Variants in TRAPPC9 observed in about 807,000 individuals in gnomAD.
TRAPPC9 encodes the protein IKK2 binding protein.
A neutral mutation model predicts 124.0 loss-of-function variants in TRAPPC9; 83 were observed. The ratio of observed to expected loss-of-function variants is 0.67; its 90% CI spans 0.56 to 0.80. The LOEUF (loss-of-function observed/expected upper bound fraction) is 0.80. Ranked by LOEUF, TRAPPC9 falls within the 30% of genes least tolerant of loss-of-function variation. The pLI, the probability that TRAPPC9 is intolerant of heterozygous loss-of-function variation, is 0.00. For missense variants in TRAPPC9, 1,302 were observed against 1,508.3 expected (o/e 0.86, Z 2.27); for synonymous variants, 638 against 617.5 (o/e 1.03, Z -0.49).
intron 11 of TRAPPC9, among the ~76,000 whole-genome samples, chr8:140,292,082 G>C (rs2065676637): frequency 6.6e-6 from 1 of 152,174 alleles, no homozygotes; most frequent in Admixed American, 6.5e-5. Flanking sequence ...TGAGTCTGTG[G>C]TCATTTGTTA....
chr8:140,065,847 C>T (rs1303199148), intron 17 of TRAPPC9, among the ~76,000 whole-genome samples: 1 of 152,238 alleles, frequency 6.6e-6, no homozygotes, highest in African/African-American at 2.4e-5. Context: ...ATCCAATCTG[C>T]AGCCCATGGA....
intron 21 of TRAPPC9, among the ~76,000 whole-genome samples, chr8:139,754,165 C>T (rs1819542842): frequency 6.6e-6 from 1 of 152,216 alleles, no homozygotes; most frequent in African/African-American, 2.4e-5. Flanking sequence ...GCTGCTGCTC[C>T]ATGCTCTGCT....
At chr8:140,273,035 A>G (rs912956137) in intron 15 of TRAPPC9, among the ~76,000 whole-genome samples, 3 of 152,214 alleles carry the variant, frequency 2.0e-5, no homozygotes, top group African/African-American at 7.2e-5. Context: ...ATTCTCAGTT[A>G]AATCAATGAG....
At chr8:140,119,612 G>A (rs530876606) in intron 17 of TRAPPC9, among the ~76,000 whole-genome samples, 3 of 152,280 alleles carry the variant, frequency 2.0e-5, no homozygotes, top group South Asian at 4.1e-4. Context: ...TAATTAGACC[G>A]TCACATATAC....
intron 21 of TRAPPC9, among the ~76,000 whole-genome samples, chr8:139,737,140 G>T (rs1818226149): frequency 6.6e-6 from 1 of 152,238 alleles, no homozygotes; most frequent in Non-Finnish European, 1.5e-5. Context: ...GGCCCGCGCA[G>T]GGGCTGGCTC....
At chr8:140,438,603 G>A (rs146438611) in intron 3 of TRAPPC9, among the ~76,000 whole-genome samples, 32 of 152,294 alleles carry the variant, frequency 2.1e-4, no homozygotes, top group African/African-American at 7.0e-4. Context: ...GCCACTGCTC[G>A]TGGCAACCAG....
intron 20 of TRAPPC9, among the ~76,000 whole-genome samples, chr8:139,899,248 T>G (rs1420497380): frequency 6.6e-6 from 1 of 151,966 alleles, no homozygotes; most frequent in Non-Finnish European, 1.5e-5. Context: ...CCACATGTAA[T>G]TTTTGACTCC....
Position 139,833,944 on chromosome 8 carries a change from G to C in TRAPPC9, c.3055+51935C>G, listed in dbSNP as rs544696094. 6.2e-4 allele frequency among the ~76,000 whole-genome samples: 95 copies of C among 152,308 alleles called. 1 individual carries two copies. Among genetic ancestry groups the C allele is most frequent in the South Asian group, 4.3e-3 (21 of 4,828 alleles). On this transcript the variant is annotated intron_variant, in intron 21 of 22. Transcript: ENST00000438773. ...AGAGCCCCTGGTGAGGAGGTGCCTT[G>C]GCGGTGGAGGAAACGCAGGCTTTCC...
At chr8:139,837,572 G>GGA (rs1826442674) in intron 21 of TRAPPC9, among the ~76,000 whole-genome samples, 1 of 152,148 alleles carries the variant, frequency 6.6e-6, no homozygotes, top group South Asian at 2.1e-4. Context: ...TGCTCTCACT[G>GGA]GGTGGCCTCG....
At chr8:140,041,748 G>C (rs1841288552) in intron 17 of TRAPPC9, among the ~76,000 whole-genome samples, 1 of 152,252 alleles carries the variant, frequency 6.6e-6, no homozygotes, top group Non-Finnish European at 1.5e-5. Flanking sequence ...AAGGCGGGCA[G>C]ATCACTTGAG....
At chr8:140,210,118 C>T (rs1005832333) in intron 17 of TRAPPC9, among the ~76,000 whole-genome samples, 3 of 152,262 alleles carry the variant, frequency 2.0e-5, no homozygotes, top group Non-Finnish European at 2.9e-5. Context: ...CTTCTGGCCT[C>T]GGCCTGTTCG....
intron 19 of TRAPPC9, among the ~76,000 whole-genome samples, chr8:139,917,163 TTTTC>T (rs1832192766): frequency 7.8e-6 from 1 of 128,718 alleles, no homozygotes; most frequent in African/African-American, 3.5e-5. Context: ...TTCATTATTA[TTTTC>T]TTTTTTTTTT....
At chr8:139,811,431 T>C (rs181886840) in intron 21 of TRAPPC9, among the ~76,000 whole-genome samples, 178 of 152,386 alleles carry the variant, frequency 1.2e-3, no homozygotes, top group Non-Finnish European at 2.0e-3. Context: ...TTTTGATGCC[T>C]GTGTTTGTTT....
chr8:140,038,992 G>A (rs550826152), intron 17 of TRAPPC9, among the ~76,000 whole-genome samples: 5 of 152,314 alleles, frequency 3.3e-5, no homozygotes, highest in African/African-American at 9.6e-5. Flanking sequence ...GGAGCGGAGC[G>A]AGAAGGGGCA....
chr8:140,158,618 T>C (rs2061694102), intron 17 of TRAPPC9, among the ~76,000 whole-genome samples: 2 of 152,224 alleles, frequency 1.3e-5, no homozygotes, highest in East Asian at 3.8e-4. Context: ...GTTTAATAAA[T>C]TTAAATGTTT....
At chr8:140,000,991 A>T (rs1166885278) in intron 18 of TRAPPC9, among the ~76,000 whole-genome samples, 1 of 152,238 alleles carries the variant, frequency 6.6e-6, no homozygotes, top group African/African-American at 2.4e-5. Context: ...CCAAATGTCC[A>T]TCAATGATAG....
chr8:140,426,173 A>G (rs2070415534), intron 5 of TRAPPC9, among the ~76,000 whole-genome samples: 2 of 152,250 alleles, frequency 1.3e-5, no homozygotes, highest in African/African-American at 4.8e-5. Context: ...TACAAGGGGA[A>G]GAAAAACCTG....
At chr8:139,858,678 G>A (rs1435981675) in intron 21 of TRAPPC9, among the ~76,000 whole-genome samples, 3 of 152,048 alleles carry the variant, frequency 2.0e-5, no homozygotes, top group Non-Finnish European at 2.9e-5. Context: ...GAGTCTGCTC[G>A]TCCATGAGTG....
chr8:139,870,569 T>C (rs1440521209), intron 21 of TRAPPC9, among the ~76,000 whole-genome samples: 2 of 152,140 alleles, frequency 1.3e-5, no homozygotes, highest in Non-Finnish European at 2.9e-5. Context: ...ATCTGATGCA[T>C]AGGTTCAAAA....
Sources: allele counts gnomAD v4.1 joint callset (sites outside exome capture counted in the v4.1 genomes callset), GRCh38; gene constraint gnomAD v4.1.1; transcripts MANE v1.5; gene names NCBI Gene and HGNC (gene_info 2026-07-23, HGNC 2026-07-21).